Variants in TRIM37 observed in about 807,000 individuals in gnomAD.
TRIM37 encodes E3 ubiquitin-protein ligase TRIM37.
In TRIM37, 80 loss-of-function variants were observed where a neutral mutation model predicts 129.8. That is an observed-to-expected ratio of 0.62 (90% CI 0.51 to 0.74). The LOEUF is 0.74. Among genes scored for constraint, TRIM37 ranks in the 30% least tolerant of loss-of-function variants. The pLI is 0.00. For missense variants in TRIM37, 1,054 were observed against 1,176.5 expected (o/e 0.90, Z 1.52); for synonymous variants, 389 against 387.1 (o/e 1.00, Z -0.06).
exon 25 of TRIM37, chr17:58,982,882 T>C: frequency 2.6e-6 from 4 of 1,567,344 alleles, no homozygotes; most frequent in Non-Finnish European, 3.5e-6. Context: ...CTAGATCTTG[T>C]TAACCCATCA....
At chr17:58,988,739 C>T (rs150163920) in intron 24 of TRIM37, among the ~76,000 whole-genome samples, 66 of 152,288 alleles carry the variant, frequency 4.3e-4, no homozygotes, top group African/African-American at 1.5e-3. Flanking sequence ...AGCCTGGAAA[C>T]TCAGGGTCAG....
At chr17:59,015,581 C>T (rs1567978181) in intron 21 of TRIM37, 29 bp downstream of exon 21, 4 of 1,606,646 alleles carry the variant, frequency 2.5e-6, no homozygotes, top group Non-Finnish European at 3.4e-6. Flanking sequence ...GCTATTATAC[C>T]ATTACATATA....
intron 3 of TRIM37, among the ~76,000 whole-genome samples, chr17:59,090,792 AT>A (rs1462744551): frequency 6.6e-6 from 1 of 151,802 alleles, no homozygotes; most frequent in Non-Finnish European, 1.5e-5. Flanking sequence ...CGCCCAGCTA[AT>A]TTTTGTATTT....
chr17:59,056,722 A>AAAAAAG (rs2040942901), intron 13 of TRIM37, among the ~76,000 whole-genome samples, 153 bp downstream of exon 13: 1 of 119,566 alleles, frequency 8.4e-6, no homozygotes, highest in Non-Finnish European at 1.6e-5. Context: ...TCTCCAAAAA[A>AAAAAAG]AAAAAAAAAA....
intron 22 of TRIM37, among the ~76,000 whole-genome samples, chr17:59,006,892 AAAAT>A (rs539813743): frequency 2.6e-5 from 4 of 151,796 alleles, no homozygotes; most frequent in African/African-American, 4.8e-5. Context: ...CTGTCTCCAA[AAAAT>A]AAATAAATAA....
chr17:59,023,921 C>G (rs1289374548), intron 19 of TRIM37, among the ~76,000 whole-genome samples: 1 of 151,840 alleles, frequency 6.6e-6, no homozygotes, highest in Non-Finnish European at 1.5e-5. Context: ...GTTAATAAAA[C>G]AAATTCACCA....
the TRIM37 span, among the ~76,000 whole-genome samples, chr17:58,976,718 C>T: frequency 9.9e-5 from 15 of 152,186 alleles, no homozygotes; most frequent in African/African-American, 3.1e-4. Context: ...ATGAATTTGA[C>T]ACCCAACAGT....
chr17:59,047,082 G>A (rs1480338812), intron 16 of TRIM37, among the ~76,000 whole-genome samples: 3 of 151,822 alleles, frequency 2.0e-5, no homozygotes, highest in South Asian at 4.2e-4. Flanking sequence ...TAATCCGGAA[G>A]GTGGAGCTTG....
intron 2 of TRIM37, among the ~76,000 whole-genome samples, chr17:59,099,949 A>T (rs905665564): frequency 6.6e-6 from 1 of 152,122 alleles, no homozygotes. Flanking sequence ...GATTACAGAC[A>T]TGTACCACCA....
intron 4 of TRIM37, among the ~76,000 whole-genome samples, chr17:59,086,221 G>C (rs555403614): frequency 6.6e-6 from 1 of 151,598 alleles, no homozygotes; most frequent in South Asian, 2.1e-4. Context: ...TGTTTATAAA[G>C]TAGACATACT....
chr17:59,079,618 T>C (rs1222671870), intron 7 of TRIM37, 136 bp downstream of exon 7: 3 of 1,074,512 alleles, frequency 2.8e-6, no homozygotes, highest in East Asian at 5.0e-5. Context: ...AACATTTATC[T>C]GTCTAAATTG....
intron 2 of TRIM37, among the ~76,000 whole-genome samples, chr17:59,097,297 T>C (rs2044990861): frequency 6.6e-6 from 1 of 152,084 alleles, no homozygotes; most frequent in African/African-American, 2.4e-5. Flanking sequence ...CCAGAGTACT[T>C]AGGCAAGATA....
chr17:58,990,113 A>G (rs2144080552), intron 24 of TRIM37, among the ~76,000 whole-genome samples: 1 of 125,052 alleles, frequency 8.0e-6, no homozygotes, highest in East Asian at 2.8e-4. Context: ...AGGAGGGTTG[A>G]GGCTGCAGTA....
At chr17:59,099,425 T>C (rs2045245895) in intron 2 of TRIM37, among the ~76,000 whole-genome samples, 1 of 151,872 alleles carries the variant, frequency 6.6e-6, no homozygotes, top group Non-Finnish European at 1.5e-5. Flanking sequence ...AGACTTTCTG[T>C]TTGGGGTGAT....
intron 2 of TRIM37, among the ~76,000 whole-genome samples, chr17:59,097,030 C>A (rs1335810769): frequency 6.6e-6 from 1 of 152,192 alleles, no homozygotes; most frequent in East Asian, 1.9e-4. Context: ...CTATGATCAT[C>A]TCAATTGATG....
intron 21 of TRIM37, among the ~76,000 whole-genome samples, chr17:59,013,906 T>C (rs1354995814): frequency 6.6e-6 from 1 of 151,852 alleles, no homozygotes; most frequent in East Asian, 1.9e-4. Context: ...GGACAGCACC[T>C]ACATGAACCA....
At chr17:59,034,447 C>T (rs1262240859) in intron 17 of TRIM37, among the ~76,000 whole-genome samples, 1 of 151,838 alleles carries the variant, frequency 6.6e-6, no homozygotes, top group Non-Finnish European at 1.5e-5. Flanking sequence ...CGGAGTCTTG[C>T]CTCCCAGGTT....
At chr17:58,971,586 T>C in the TRIM37 span, among the ~76,000 whole-genome samples, 1 of 152,200 alleles carries the variant, frequency 6.6e-6, no homozygotes, top group Non-Finnish European at 1.5e-5. Flanking sequence ...ATCTTAGTAC[T>C]CCAGGGAACG....
chr17:59,102,759 C>T (rs2045625737), intron 2 of TRIM37, among the ~76,000 whole-genome samples: 1 of 152,094 alleles, frequency 6.6e-6, no homozygotes, highest in African/African-American at 2.4e-5. Context: ...TTAATGGGTT[C>T]AAATCCAGTA....
Sources: allele counts gnomAD v4.1 joint callset (sites outside exome capture counted in the v4.1 genomes callset), GRCh38; gene constraint gnomAD v4.1.1; transcripts MANE v1.5; gene names NCBI Gene and HGNC (gene_info 2026-07-23, HGNC 2026-07-21).